TMLHE: variants seen among roughly 807,000 people sequenced by gnomAD.
TMLHE encodes the protein trimethyllysine hydroxylase, epsilon.
A neutral mutation model predicts 25.7 loss-of-function variants in TMLHE; 18 were observed. That is an observed-to-expected ratio of 0.70 (90% confidence interval 0.48 to 1.04). The LOEUF (loss-of-function observed/expected upper bound fraction) is 1.04, where lower values mean the gene tolerates loss of function less well. Among genes scored for constraint, TMLHE ranks in the 50% least tolerant of loss-of-function variants. The probability of loss-of-function intolerance (pLI) is 0.00; values close to 1 mark genes in which losing one functional copy is unlikely to be tolerated. For synonymous variants in TMLHE, 105 were observed against 97.0 expected (o/e 1.08, Z -0.49); for missense variants, 236 against 259.0 (o/e 0.91, Z 0.61).
At chrX:155,599,271 T>C (rs1439147577) in intron 1 of TMLHE, among the ~76,000 whole-genome samples, 2 of 111,330 alleles carry the variant, frequency 1.8e-5, no homozygotes, top group Non-Finnish European at 3.8e-5. Flanking sequence ...TGAGAACAAA[T>C]AAAGAGAAAA....
intron 1 of TMLHE, among the ~76,000 whole-genome samples, chrX:155,603,925 A>G (rs1188646415): frequency 5.3e-5 from 6 of 112,624 alleles, no homozygotes; most frequent in African/African-American, 1.9e-4. Flanking sequence ...GGACTTTATC[A>G]AAAATAAAGA....
intron 1 of TMLHE, among the ~76,000 whole-genome samples, chrX:155,557,055 G>C (rs2067462050): frequency 8.9e-6 from 1 of 111,760 alleles, no homozygotes; most frequent in East Asian, 2.8e-4. Flanking sequence ...TCTTTTTTCA[G>C]GGTGCCCACA....
intron 1 of TMLHE, among the ~76,000 whole-genome samples, chrX:155,580,276 A>G (rs782263362): frequency 3.6e-5 from 4 of 112,300 alleles, no homozygotes; most frequent in Non-Finnish European, 5.6e-5. Flanking sequence ...AATGAAAATT[A>G]AAACCACAAT....
rs782101002 is a variant in TMLHE at position 155,568,238 on chromosome X, C to T, written c.-1-22961G>A. 4.9e-5 allele frequency among the ~76,000 whole-genome samples: 3 copies of T among 61,676 alleles called. 1 individual carries two copies. In the South Asian group the frequency reaches 3.0e-3, roughly 63 times the overall value. 53.6% of individuals were successfully genotyped at this position (61,676 alleles called of 115,157 possible). On this transcript the variant is annotated intron_variant, in intron 1 of 7. Transcript: ENST00000334398. ...CCCACGGAGTCTCGCTGATTGCTAC[C>T]ACAGCAGTCTGAGATCAAACTGCAA...
intron 1 of TMLHE, among the ~76,000 whole-genome samples, chrX:155,547,228 T>G (rs938930293): frequency 1.1e-5 from 1 of 91,891 alleles, no homozygotes; most frequent in Non-Finnish European, 2.3e-5. Flanking sequence ...CACTGCAAGC[T>G]CCGCCTCCCG....
chrX:155,603,066 T>C (rs73249606), intron 1 of TMLHE, among the ~76,000 whole-genome samples: 346 of 112,211 alleles, frequency 3.1e-3, no homozygotes, highest in Non-Finnish European at 5.5e-3. Flanking sequence ...TGATGGTTCA[T>C]GCCTATAATC....
chrX:155,565,196 C>T (rs1569562178), intron 1 of TMLHE, among the ~76,000 whole-genome samples: 1 of 61,979 alleles, frequency 1.6e-5, no homozygotes, highest in South Asian at 9.7e-4. Flanking sequence ...AAAGGGAAGA[C>T]CTTAAAGAAT....
intron 2 of TMLHE, among the ~76,000 whole-genome samples, chrX:155,538,078 CCTAT>C (rs1193148770): frequency 9.0e-6 from 1 of 111,116 alleles, no homozygotes; most frequent in East Asian, 2.8e-4. Context: ...ATGTATTCCT[CCTAT>C]CTAACTCTAA....
At chrX:155,606,159 A>G (rs1428199012) in intron 1 of TMLHE, among the ~76,000 whole-genome samples, 1 of 111,502 alleles carries the variant, frequency 9.0e-6, no homozygotes, top group East Asian at 2.8e-4. Flanking sequence ...GGAGATTTCA[A>G]TACCCCACTG....
chrX:155,516,003 T>C (rs1557334866), intron 3 of TMLHE, among the ~76,000 whole-genome samples: 4 of 58,438 alleles, frequency 6.8e-5, no homozygotes, highest in Non-Finnish European at 3.0e-5. Flanking sequence ...GGAACAATTG[T>C]ACTTTTCTTC....
In TMLHE at chrX:155,519,012, C is replaced by G. The variant is rs1369777361; in HGVS notation, c.359-4747G>C. Among the ~76,000 whole-genome samples, 3 of 41,713 alleles carry G rather than the reference C, an allele frequency of 7.2e-5. 1 individual carries two copies. The East Asian group carries it at 2.6e-3, about 37-fold the overall frequency. The allele number at this position is 41,713 out of a possible 115,157, so 36.2% of individuals were successfully genotyped here. ...ATTTTTTGAAGGGTTTTTTGTGTCT[C>G]TATTTCCTTGAGTTCTGCTCTGATT... On this transcript the variant is annotated intron_variant, in intron 3 of 7. Coordinates refer to ENST00000334398, the MANE Select transcript of TMLHE (RefSeq NM_018196.4).
intron 1 of TMLHE, among the ~76,000 whole-genome samples, chrX:155,547,791 G>C (rs1466945147): frequency 1.8e-5 from 2 of 110,277 alleles, no homozygotes; most frequent in African/African-American, 6.6e-5. Context: ...AAAATAATAA[G>C]TAAAAGCCTC....
chrX:155,515,208 T>A (rs1028380727), intron 3 of TMLHE, among the ~76,000 whole-genome samples: 1 of 111,111 alleles, frequency 9.0e-6, no homozygotes, highest in Non-Finnish European at 1.9e-5. Flanking sequence ...TTTATGTATA[T>A]AAATATAGTT....
chrX:155,607,936 C>T (rs2067796441), intron 1 of TMLHE, among the ~76,000 whole-genome samples: 1 of 111,822 alleles, frequency 8.9e-6, no homozygotes, highest in Non-Finnish European at 1.9e-5. Context: ...AAAATCATTC[C>T]ATGCTCACGG....
Position 155,571,384 on chromosome X carries a change from C to T in TMLHE, c.-1-26107G>A, listed in dbSNP as rs1354893915. On this transcript the variant is annotated intron_variant, in intron 1 of 7. Transcript: ENST00000334398. The stretch of plus-strand genomic sequence containing the variant: ...AAGAGTCCAGGACCAGATGGATTCA[C>T]AGCCGAATTCTACCAGAGGTACAAG... Among the ~76,000 whole-genome samples, 2 of 55,485 alleles carry T rather than the reference C, an allele frequency of 3.6e-5. 1 individual carries two copies. The highest frequency in any genetic ancestry group is 9.3e-5 in the Non-Finnish European group (2 of 21,567). The allele number at this position is 55,485 out of a possible 115,157, so 48.2% of individuals were successfully genotyped here.
At chrX:155,593,871 A>G (rs1179500913) in intron 1 of TMLHE, among the ~76,000 whole-genome samples, 1 of 111,535 alleles carries the variant, frequency 9.0e-6, no homozygotes, top group Non-Finnish European at 1.9e-5. Flanking sequence ...GCTCAAAGAC[A>G]GAACATTTGA....
chrX:155,548,496 G>A (rs868952878), intron 1 of TMLHE, among the ~76,000 whole-genome samples: 1 of 108,358 alleles, frequency 9.2e-6, no homozygotes, highest in Non-Finnish European at 1.9e-5. Flanking sequence ...AGCACTTTGG[G>A]AGGTCAAGGC....
chrX:155,568,094 G>A lies in TMLHE; in HGVS notation c.-1-22817C>T, dbSNP rs1370079015. Among the ~76,000 whole-genome samples, 2 of 61,381 alleles carry A rather than the reference G, an allele frequency of 3.3e-5. 1 individual carries two copies. Among genetic ancestry groups the A allele is most frequent in the Non-Finnish European group, 9.1e-5 (2 of 21,911 alleles). The allele number at this position is 61,381 out of a possible 115,157, so 53.3% of individuals were successfully genotyped here. ...TTCCCTTTCCTAGTCAAAGAAAGGG[G>A]TGACAGATGGCACCTGGAAAATCGG... On this transcript the variant is annotated intron_variant, in intron 1 of 7. Coordinates refer to ENST00000334398, the MANE Select transcript of TMLHE (RefSeq NM_018196.4).
intron 5 of TMLHE, 26 bp from the exon 6 acceptor site, chrX:155,507,160 T>C: frequency 2.9e-6 from 3 of 1,044,371 alleles, no homozygotes. Context: ...AAAATTCTTC[T>C]GTTCAGTGGA....
Sources: allele counts gnomAD v4.1 joint callset (sites outside exome capture counted in the v4.1 genomes callset), GRCh38; gene constraint gnomAD v4.1.1; transcripts MANE v1.5; gene names NCBI Gene and HGNC (gene_info 2026-07-23, HGNC 2026-07-21).